Variants in CCDC102B observed in about 807,000 individuals in gnomAD.
CCDC102B encodes the protein coiled-coil domain-containing protein 102B.
In CCDC102B, 75 loss-of-function variants were observed where a neutral mutation model predicts 57.4. The ratio of observed to expected loss-of-function variants is 1.31; its 90% CI spans 1.08 to 1.58. The LOEUF is 1.58. Ranked by LOEUF, CCDC102B falls within the 40% of genes most tolerant of loss-of-function variation. The pLI is 0.00. For missense variants in CCDC102B, 636 were observed against 582.6 expected (o/e 1.09, Z -0.94); for synonymous variants, 206 against 201.9 (o/e 1.02, Z -0.17).
At chr18:68,802,992 G>T (rs1467152886) in intron 1 of CCDC102B, among the ~76,000 whole-genome samples, 1 of 152,138 alleles carries the variant, frequency 6.6e-6, no homozygotes, top group Non-Finnish European at 1.5e-5. Context: ...ATCATCATAG[G>T]TGTATTTGTG....
At chr18:68,784,717 C>T (rs1358206462) in intron 2 of CCDC102B, among the ~76,000 whole-genome samples, 3 of 152,114 alleles carry the variant, frequency 2.0e-5, no homozygotes, top group Non-Finnish European at 4.4e-5. Flanking sequence ...TTCAGTAAAA[C>T]ATGTGGTCTA....
chr18:68,866,678 C>T, intron 4 of CCDC102B: 1 of 428,646 alleles, frequency 2.3e-6, no homozygotes, highest in South Asian at 2.2e-5. Context: ...CTTTATCTTG[C>T]CATAGCACTG....
At chr18:69,006,071 A>C (rs2051332412) in intron 6 of CCDC102B, among the ~76,000 whole-genome samples, 1 of 152,162 alleles carries the variant, frequency 6.6e-6, no homozygotes, top group Non-Finnish European at 1.5e-5. Context: ...ATATTAGAAT[A>C]AGCTTGCTCT....
At chr18:68,886,266 A>G (rs1156887234) in intron 5 of CCDC102B, among the ~76,000 whole-genome samples, 8 of 152,188 alleles carry the variant, frequency 5.3e-5, no homozygotes, top group Non-Finnish European at 1.2e-4. Flanking sequence ...GTAATAGGAC[A>G]AATAATACCA....
intron 6 of CCDC102B, among the ~76,000 whole-genome samples, chr18:68,957,272 C>T (rs182374606): frequency 6.6e-5 from 10 of 152,024 alleles, no homozygotes; most frequent in Admixed American, 3.3e-4. Context: ...CTTATATTTA[C>T]GTCTTTAATG....
At chr18:68,923,685 T>G (rs2041369010) in intron 6 of CCDC102B, among the ~76,000 whole-genome samples, 1 of 152,050 alleles carries the variant, frequency 6.6e-6, no homozygotes, top group South Asian at 2.1e-4. Context: ...TGCCTTCCTG[T>G]GAGCCAGAAA....
chr18:68,872,255 A>G (rs2039267209), intron 4 of CCDC102B, among the ~76,000 whole-genome samples: 1 of 152,144 alleles, frequency 6.6e-6, no homozygotes, highest in Non-Finnish European at 1.5e-5. Flanking sequence ...GTGGAGAACT[A>G]GAGGCTGGAG....
chr18:69,024,400 A>G (rs769736403), intron 7 of CCDC102B, among the ~76,000 whole-genome samples: 15 of 152,234 alleles, frequency 9.9e-5, no homozygotes, highest in Non-Finnish European at 1.8e-4. Context: ...ATCTTACATT[A>G]CAATAAAATG....
intron 2 of CCDC102B, among the ~76,000 whole-genome samples, chr18:68,738,993 C>CTTATT (rs1555695902): frequency 9.7e-5 from 14 of 145,026 alleles, no homozygotes; most frequent in African/African-American, 2.4e-4. Context: ...GATGAGCAGC[C>CTTATT]TTTTGTTTTT....
intron 2 of CCDC102B, among the ~76,000 whole-genome samples, chr18:68,783,731 T>G (rs2035085646): frequency 6.6e-6 from 1 of 152,168 alleles, no homozygotes; most frequent in Non-Finnish European, 1.5e-5. Flanking sequence ...CTGATTTACA[T>G]CAGAAGATGT....
chr18:68,956,326 A>G, intron 6 of CCDC102B, among the ~76,000 whole-genome samples: 1 of 38,202 alleles, frequency 2.6e-5, no homozygotes, highest in East Asian at 5.6e-4. Flanking sequence ...TATATTTTAT[A>G]TATATTATAT....
chr18:68,825,505 C>A (rs890474637), intron 1 of CCDC102B, among the ~76,000 whole-genome samples: 4 of 152,062 alleles, frequency 2.6e-5, no homozygotes, highest in African/African-American at 9.7e-5. Context: ...GCATGGCCAA[C>A]ATAGCAAAAC....
chr18:68,936,207 TA>T (rs60766380), intron 6 of CCDC102B, among the ~76,000 whole-genome samples: 41,130 of 147,440 alleles, frequency 0.28, 7,034 homozygotes, highest in East Asian at 0.64. Context: ...TATGCCAAAA[TA>T]AAAAAAAAAA....
At position 69,054,682 on chromosome 18, in the gene CCDC102B, C is replaced by A. The variant is rs1163966633; in HGVS notation, c.*545C>A. 1.0e-6 allele frequency: 1 copy of A among 981,044 alleles called. No individual in the cohort carries two copies. Among genetic ancestry groups the A allele is most frequent in the Non-Finnish European group, 1.2e-6 (1 of 826,148 alleles). The allele number at this position is 981,044 out of a possible 1,614,324, so 60.8% of individuals were successfully genotyped here. Reference sequence around the variant, plus strand: ...AATCTTTGTATAAAACAGAAGTGAGCAGATGAATCAGAAAAAAGTGTTTTG... The same window carrying A: ...AATCTTTGTATAAAACAGAAGTGAGAAGATGAATCAGAAAAAAGTGTTTTG... On this transcript the variant is annotated 3_prime_UTR_variant, in exon 8 of 8. Transcript: ENST00000360242.
chr18:68,866,840 T>C, intron 4 of CCDC102B: 1 of 694,454 alleles, frequency 1.4e-6, no homozygotes, highest in Non-Finnish European at 2.7e-6. Flanking sequence ...TCCCTGTGTC[T>C]GGGGCCAGCA....
intron 6 of CCDC102B, among the ~76,000 whole-genome samples, chr18:68,971,314 C>T (rs2145260003): frequency 6.6e-6 from 1 of 152,092 alleles, no homozygotes; most frequent in South Asian, 2.1e-4. Flanking sequence ...TGTTACTTTG[C>T]AGGCTTATGT....
intron 6 of CCDC102B, among the ~76,000 whole-genome samples, chr18:68,981,941 T>G (rs2050595350): frequency 6.6e-6 from 1 of 151,934 alleles, no homozygotes; most frequent in African/African-American, 2.4e-5. Flanking sequence ...TATGGCTGCA[T>G]AGTATTCCAT....
At chr18:68,952,296 T>C (rs2049721051) in intron 6 of CCDC102B, among the ~76,000 whole-genome samples, 1 of 152,030 alleles carries the variant, frequency 6.6e-6, no homozygotes. Context: ...CACAACTACC[T>C]TAGACTTCAC....
intron 2 of CCDC102B, among the ~76,000 whole-genome samples, chr18:68,750,024 C>A (rs2033785094): frequency 6.6e-6 from 1 of 152,050 alleles, no homozygotes; most frequent in African/African-American, 2.4e-5. Flanking sequence ...ATTTTGCAAT[C>A]TACTCATCTG....
Sources: allele counts gnomAD v4.1 joint callset (sites outside exome capture counted in the v4.1 genomes callset), GRCh38; gene constraint gnomAD v4.1.1; transcripts MANE v1.5; gene names NCBI Gene and HGNC (gene_info 2026-07-23, HGNC 2026-07-21).